The following CARS1 variants were observed in gnomAD, a reference collection of about 807,000 sequenced individuals.
CARS1 encodes the protein cysteine--tRNA ligase, cytoplasmic.
CARS1 carries 48 observed loss-of-function variants against 106.2 expected under a neutral mutation model. The observed-to-expected ratio is 0.45, with a 90% CI of 0.36 to 0.57. The LOEUF (loss-of-function observed/expected upper bound fraction) is 0.57, where lower values mean the gene tolerates loss of function less well. Among genes scored for constraint, CARS1 ranks in the 20% least tolerant of loss-of-function variants. CARS1 has a pLI of 0.00. For synonymous variants in CARS1, 409 were observed against 403.4 expected (o/e 1.01, Z -0.17); for missense variants, 968 against 1,057.2 (o/e 0.92, Z 1.17).
intron 1 of CARS1, among the ~76,000 whole-genome samples, chr11:3,056,833 G>A (rs1007656209): frequency 2.0e-5 from 3 of 152,206 alleles, no homozygotes; most frequent in African/African-American, 7.2e-5. Flanking sequence ...GTTTGATGTA[G>A]GGCCACCTCC....
In CARS1 at chr11:3,041,139, A is replaced by G; in HGVS notation, c.367-155T>C. ...TTTTACTGTGAAAAGTCACAGTCTC[A>G]GTGGGAGCCCAGTGAGATGTACGGC... On this transcript the variant is annotated intron_variant, in intron 3 of 22. Coordinates refer to ENST00000380525, the MANE Select transcript of CARS1 (RefSeq NM_001014437.3). The surrounding 1 kb of genome is among the most constrained non-coding windows in gnomAD (Gnocchi z 4.9). The G allele has an allele frequency of 8.0e-7, 1 of 1,251,514 alleles. No individual in the cohort carries two copies. Among genetic ancestry groups the G allele is most frequent in the Non-Finnish European group, 1.1e-6 (1 of 902,830 alleles). The allele number at this position is 1,251,514 out of a possible 1,614,324, so 77.5% of individuals were successfully genotyped here. A position where few individuals can be genotyped will look rare whatever the true frequency, so the allele number is the denominator to read the frequency against.
At chr11:3,023,729 A>C (rs1851786131) in intron 10 of CARS1, among the ~76,000 whole-genome samples, 1 of 151,822 alleles carries the variant, frequency 6.6e-6, no homozygotes, top group African/African-American at 2.4e-5. Flanking sequence ...TATTAATCAA[A>C]CTTGCTAAGG....
At chr11:3,015,127 A>G (rs1850860441) in intron 17 of CARS1, among the ~76,000 whole-genome samples, 1 of 152,206 alleles carries the variant, frequency 6.6e-6, no homozygotes, top group African/African-American at 2.4e-5. Flanking sequence ...TCACATGCCA[A>G]CTGCAAACAG....
In CARS1 at chr11:3,050,618, A is replaced by G. The variant is rs926628886; in HGVS notation, c.26-2617T>C. Reference sequence around the variant, plus strand: ...GTTCACATTACTGCCCCCAACACCCACCTCGCCAGCAGCACAAGCCTGTCC... The same window carrying G: ...GTTCACATTACTGCCCCCAACACCCGCCTCGCCAGCAGCACAAGCCTGTCC... On this transcript the variant is annotated intron_variant, in intron 1 of 22. Coordinates refer to ENST00000380525, the MANE Select transcript of CARS1 (RefSeq NM_001014437.3). The surrounding 1 kb of genome is among the most constrained non-coding windows in gnomAD (Gnocchi z 6.3). Among the ~76,000 whole-genome samples the G allele has an allele frequency of 6.6e-6, 1 of 151,142 alleles. No homozygotes were observed. Among genetic ancestry groups the G allele is most frequent in the South Asian group, 2.1e-4 (1 of 4,764 alleles).
Position 3,028,641 on chromosome 11 carries a change from A to C in CARS1, c.1031+355T>G. 1 of 326,166 alleles carries C rather than the reference A, an allele frequency of 3.1e-6. No homozygotes were observed. Among genetic ancestry groups the C allele is most frequent in the Non-Finnish European group, 5.6e-6 (1 of 180,128 alleles). The allele number at this position is 326,166 out of a possible 1,614,324, so 20.2% of individuals were successfully genotyped here. ...GCATCCTCCTTCGGGATATGACACCAGGACTAGCACTCTCAAAATGTCTAC... is the reference window on the plus strand; with the variant it reads ...GCATCCTCCTTCGGGATATGACACCCGGACTAGCACTCTCAAAATGTCTAC... On this transcript the variant is annotated intron_variant, in intron 9 of 22. Transcript: ENST00000380525. This position sits in a 1 kb window ranked among gnomAD's most constrained non-coding sequence, Gnocchi z 4.4.
rs891014555 is a variant in CARS1 at position 3,052,646 on chromosome 11, C to G, written c.26-4645G>C. On this transcript the variant is annotated intron_variant, in intron 1 of 22. Transcript: ENST00000380525. This position sits in a 1 kb window ranked among gnomAD's most constrained non-coding sequence, Gnocchi z 4.6. ...AGGATCTTCTCAGAGCAGAAAGGTG[C>G]TGGTGCCCAGGGAAGCACAGGAGAA... Among the ~76,000 whole-genome samples the G allele has an allele frequency of 1.3e-5, 2 of 152,186 alleles. No homozygotes were observed. The highest frequency in any genetic ancestry group is 4.8e-5 in the African/African-American group (2 of 41,422).
At chr11:3,011,524 G>A (rs1303246935) in intron 18 of CARS1, among the ~76,000 whole-genome samples, 3 of 152,198 alleles carry the variant, frequency 2.0e-5, no homozygotes, top group East Asian at 3.9e-4. Flanking sequence ...TGAGGCAGAA[G>A]AATGGCGTGA....
At position 3,030,457 on chromosome 11, in the gene CARS1, A is replaced by G. The variant is rs998277376; in HGVS notation, c.802-1014T>C. ...CATCCAGTGGGCAGACAAGCACCAA[A>G]AGCAGGGTGTGCGCTCTGGGGAGCA... On this transcript the variant is annotated intron_variant, in intron 7 of 22. Transcript: ENST00000380525. The surrounding 1 kb of genome is among the most constrained non-coding windows in gnomAD (Gnocchi z 5.7). 6.6e-6 allele frequency: 1 copy of G among 152,256 alleles called. No individual in the cohort carries two copies. The highest frequency in any genetic ancestry group is 2.4e-5 in the African/African-American group (1 of 41,456). The allele number at this position is 152,256 out of a possible 1,614,324, so 9.4% of individuals were successfully genotyped here.
rs752965672 is a variant in CARS1 at position 3,019,698 on chromosome 11, ACT to A, written c.1267-433_1267-432del. Among the ~76,000 whole-genome samples the A allele has an allele frequency of 1.6e-4, 23 of 147,386 alleles. No individual in the cohort carries two copies. The highest frequency in any genetic ancestry group is 3.3e-4 in the Non-Finnish European group (22 of 66,858). On this transcript the variant is annotated intron_variant, in intron 11 of 22. Coordinates refer to ENST00000380525, the MANE Select transcript of CARS1 (RefSeq NM_001014437.3). The surrounding 1 kb of genome is among the most constrained non-coding windows in gnomAD (Gnocchi z 6.2). ...CACTCCAGCCTGGTGACAGAGTGACACTCTGTCTCAAAAAAAAAAAAAAGACT... is the reference window on the plus strand; with the variant it reads ...CACTCCAGCCTGGTGACAGAGTGACACTGTCTCAAAAAAAAAAAAAAGACT...
At position 3,007,089 on chromosome 11, in the gene CARS1, G is replaced by C. The variant is rs1049123165; in HGVS notation, c.2069-130C>G. ...AAGTGCCTCCTCCAGTGCTCAGGAG[G>C]GAGGGGCCCCGGCCCACAGAACGAG... On this transcript the variant is annotated intron_variant, in intron 18 of 22. Coordinates refer to ENST00000380525, the MANE Select transcript of CARS1 (RefSeq NM_001014437.3). 7.3e-5 allele frequency: 57 copies of C among 778,862 alleles called. No homozygotes were observed. In the African/African-American group the frequency reaches 7.5e-4, roughly 10 times the overall value. The allele number at this position is 778,862 out of a possible 1,614,324, so 48.2% of individuals were successfully genotyped here.
chr11:3,018,388 G>A lies in CARS1; in HGVS notation c.1629+20C>T, dbSNP rs1380427203. 2.6e-6 allele frequency: 4 copies of A among 1,566,296 alleles called. No individual in the cohort carries two copies. Among genetic ancestry groups the A allele is most frequent in the Non-Finnish European group, 3.5e-6 (4 of 1,137,874 alleles). ...GGGGAGGCTGCTCCACCAACCTCCA[G>A]GAAGGGGCTGGGGACTCACATTCAA... On this transcript the variant is annotated intron_variant, in intron 14 of 22. Coordinates refer to ENST00000380525, the MANE Select transcript of CARS1 (RefSeq NM_001014437.3).
intron 17 of CARS1, 57 bp downstream of exon 17, chr11:3,015,724 G>C: frequency 1.4e-6 from 2 of 1,450,672 alleles, no homozygotes; most frequent in African/African-American, 1.4e-5. Context: ...GGGACACAGA[G>C]GGGTAGGGAG....
Position 3,057,390 on chromosome 11 carries a change from G to A in CARS1, c.-23C>T, listed in dbSNP as rs957842053. On this transcript the variant is annotated 5_prime_UTR_variant, in exon 1 of 23. Coordinates refer to ENST00000380525, the MANE Select transcript of CARS1 (RefSeq NM_001014437.3). ...CATGGCTGGGAATCCCGGACCCGCA[G>A]CTGCGGCTACAGACACTTCCTAGAA... is the stretch of plus-strand genomic sequence containing the variant. The A allele has an allele frequency of 3.1e-6, 5 of 1,607,492 alleles. No individual in the cohort carries two copies. The highest frequency in any genetic ancestry group is 3.4e-6 in the Non-Finnish European group (4 of 1,176,972).
In CARS1 at chr11:3,017,985, T is replaced by C. The variant is rs1851213484; in HGVS notation, c.1630-31A>G. 1.4e-6 allele frequency: 2 copies of C among 1,437,486 alleles called. No homozygotes were observed. Among genetic ancestry groups the C allele is most frequent in the Non-Finnish European group, 2.0e-6 (2 of 1,023,618 alleles). 89.0% of individuals were successfully genotyped at this position (1,437,486 alleles called of 1,614,324 possible). ...GTTAGAAAAATCAGTTTAACAGCAT[T>C]TAGGCAACTTTTCCATCCTGAAATA... On this transcript the variant is annotated intron_variant, in intron 14 of 22. Transcript: ENST00000380525. The surrounding 1 kb of genome is among the most constrained non-coding windows in gnomAD (Gnocchi z 4.9).
At chr11:3,010,093 A>C (rs1850303343) in intron 18 of CARS1, among the ~76,000 whole-genome samples, 1 of 152,204 alleles carries the variant, frequency 6.6e-6, no homozygotes, top group South Asian at 2.1e-4. Context: ...CACAAAACAA[A>C]AGTGAAAAGC....
At chr11:3,011,367 A>G (rs1389049692) in intron 18 of CARS1, among the ~76,000 whole-genome samples, 1 of 151,998 alleles carries the variant, frequency 6.6e-6, no homozygotes, top group Non-Finnish European at 1.5e-5. Context: ...GCACTTTGGG[A>G]GGCCGAGGCG....
In CARS1 at chr11:3,021,999, C is replaced by T. The variant is rs1851613129; in HGVS notation, c.1154-1667G>A. ...AAAATTGATAACAGAGAACACAGGACCCTCCCCACAAACACCCTATCCTTC... is the reference window on the plus strand; with the variant it reads ...AAAATTGATAACAGAGAACACAGGATCCTCCCCACAAACACCCTATCCTTC... On this transcript the variant is annotated intron_variant, in intron 10 of 22. Coordinates refer to ENST00000380525, the MANE Select transcript of CARS1 (RefSeq NM_001014437.3). This position sits in a 1 kb window ranked among gnomAD's most constrained non-coding sequence, Gnocchi z 5.3. Among the ~76,000 whole-genome samples the T allele has an allele frequency of 6.6e-6, 1 of 152,142 alleles. No individual in the cohort carries two copies. The highest frequency in any genetic ancestry group is 2.4e-5 in the African/African-American group (1 of 41,420).
intron 10 of CARS1, among the ~76,000 whole-genome samples, chr11:3,023,845 T>A (rs1851797951): frequency 6.6e-6 from 1 of 152,206 alleles, no homozygotes; most frequent in Non-Finnish European, 1.5e-5. Context: ...TCTTTCTACT[T>A]CTTCTTGTTC....
At chr11:3,010,487 G>A (rs1284336341) in intron 18 of CARS1, among the ~76,000 whole-genome samples, 2 of 152,374 alleles carry the variant, frequency 1.3e-5, no homozygotes, top group East Asian at 3.9e-4. Context: ...TGATTCCAGT[G>A]CTTTGAAATG....
Sources: gnomAD v4.1 joint callset for allele counts (sites outside exome capture counted in the v4.1 genomes callset) on GRCh38, gnomAD v4.1.1 for gene constraint, Gnocchi (gnomAD v3.1) non-coding constraint, MANE v1.5 for transcripts, NCBI Gene and HGNC (gene_info 2026-07-23, HGNC 2026-07-21) for gene names.